The following LRP1B variants were observed in gnomAD, a reference collection of about 807,000 sequenced individuals.
The protein encoded by LRP1B is low-density lipoprotein receptor-related protein 1B.
In LRP1B, 217 loss-of-function variants were observed where a neutral mutation model predicts 556.6. The ratio of observed to expected loss-of-function variants is 0.39; its 90% CI spans 0.35 to 0.44. The LOEUF is 0.44. Ranked by LOEUF, LRP1B falls within the 20% of genes least tolerant of loss-of-function variation. The pLI is 1.00. For missense variants in LRP1B, 5,053 were observed against 5,620.8 expected, an observed-to-expected ratio of 0.90 and a Z score of 3.23; for synonymous variants, 2,047 against 1,865.8, an observed-to-expected ratio of 1.10 and a Z score of -2.50.
At chr2:140,671,370 A>T (rs1001903221) in intron 41 of LRP1B, among the ~76,000 whole-genome samples, 3 of 152,118 alleles carry the variant, frequency 2.0e-5, no homozygotes, top group African/African-American at 7.2e-5. Flanking sequence ...AATACAAAAA[A>T]ATTAGCCGGG....
At position 141,510,911 on chromosome 2, in the gene LRP1B, C is replaced by A. The variant is rs2381188; in HGVS notation, c.206-30378G>T. ...ACACACACACACACACACACACACC[C>A]CACACAAACATACACACAAGCTCCA... On this transcript the variant is annotated intron_variant, in intron 2 of 90. Coordinates refer to ENST00000389484, the MANE Select transcript of LRP1B (RefSeq NM_018557.3). Among the ~76,000 whole-genome samples the A allele has an allele frequency of 5.3e-3, 773 of 144,684 alleles. 26 individuals carry two copies. In the South Asian group the frequency reaches 0.096, roughly 18 times the overall value. The allele number at this position is 144,684 out of a possible 152,430, so 94.9% of individuals were successfully genotyped here. A position where few individuals can be genotyped will look rare whatever the true frequency, so the allele number is the denominator to read the frequency against.
At chr2:141,717,915 G>A (rs974065680) in intron 2 of LRP1B, among the ~76,000 whole-genome samples, 2 of 152,194 alleles carry the variant, frequency 1.3e-5, no homozygotes, top group African/African-American at 4.8e-5. Flanking sequence ...CTATCCAAGT[G>A]TAGCTGAGAG....
At chr2:140,780,087 A>G (rs1689645718) in intron 32 of LRP1B, among the ~76,000 whole-genome samples, 1 of 152,074 alleles carries the variant, frequency 6.6e-6, no homozygotes, top group Non-Finnish European at 1.5e-5. Flanking sequence ...GAAAAAAGAA[A>G]GTAAGGGAGG....
intron 47 of LRP1B, among the ~76,000 whole-genome samples, chr2:140,528,944 G>T (rs987018104): frequency 1.3e-5 from 2 of 152,028 alleles, no homozygotes; most frequent in South Asian, 2.1e-4. Context: ...GAGGAAGAAA[G>T]ATACTGAAAT....
chr2:141,203,469 C>A (rs534153857), intron 6 of LRP1B, among the ~76,000 whole-genome samples: 1 of 152,202 alleles, frequency 6.6e-6, no homozygotes, highest in East Asian at 1.9e-4. Context: ...GGGATCAATG[C>A]AGCAAGAAGA....
intron 77 of LRP1B, among the ~76,000 whole-genome samples, chr2:140,350,100 T>A (rs950438546): frequency 2.8e-4 from 42 of 152,084 alleles, no homozygotes; most frequent in African/African-American, 9.9e-4. Context: ...CCAGGCCCTA[T>A]AAAAACACAT....
chr2:141,803,272 A>G (rs945938612), intron 2 of LRP1B, among the ~76,000 whole-genome samples: 2 of 150,812 alleles, frequency 1.3e-5, no homozygotes, highest in African/African-American at 2.4e-5. Flanking sequence ...GTGCATTGTG[A>G]GAGCAGAATG....
At chr2:141,064,215 A>G (rs538977665) in intron 7 of LRP1B, among the ~76,000 whole-genome samples, 1 of 152,026 alleles carries the variant, frequency 6.6e-6, no homozygotes, top group Admixed American at 6.6e-5. Flanking sequence ...GACTGGGTCA[A>G]TCACTTTACA....
At chr2:141,070,072 C>A (rs998180625) in intron 7 of LRP1B, among the ~76,000 whole-genome samples, 2 of 149,112 alleles carry the variant, frequency 1.3e-5, no homozygotes, top group African/African-American at 4.9e-5. Context: ...TTTGTTCTTG[C>A]GATAGTTTAC....
At chr2:140,867,101 T>C (rs1420131413) in intron 27 of LRP1B, among the ~76,000 whole-genome samples, 1 of 151,956 alleles carries the variant, frequency 6.6e-6, no homozygotes, top group African/African-American at 2.4e-5. Flanking sequence ...AGAATTAGGA[T>C]AGGAACACTT....
chr2:141,823,041 T>C (rs532651935), intron 1 of LRP1B, among the ~76,000 whole-genome samples: 1 of 152,250 alleles, frequency 6.6e-6, no homozygotes, highest in South Asian at 2.1e-4. Context: ...AGCAGCAGTT[T>C]TCACCATTTT....
chr2:140,258,406 C>G (rs954414285), intron 86 of LRP1B, among the ~76,000 whole-genome samples: 2 of 152,098 alleles, frequency 1.3e-5, no homozygotes, highest in Non-Finnish European at 2.9e-5. Flanking sequence ...AGAACTTGAG[C>G]TGGCTTTACA....
At chr2:140,854,609 C>T (rs971571563) in intron 27 of LRP1B, among the ~76,000 whole-genome samples, 8 of 152,210 alleles carry the variant, frequency 5.3e-5, no homozygotes, top group Admixed American at 4.6e-4. Flanking sequence ...TTATAGAAAG[C>T]AGGGATTAGC....
chr2:141,379,606 C>A (rs1448861834), intron 3 of LRP1B, among the ~76,000 whole-genome samples: 1 of 152,124 alleles, frequency 6.6e-6, no homozygotes, highest in Non-Finnish European at 1.5e-5. Context: ...TGGGAAGTAA[C>A]TGAACTCCCA....
intron 83 of LRP1B, among the ~76,000 whole-genome samples, chr2:140,308,986 T>G (rs35000420): frequency 0.29 from 43,523 of 151,612 alleles, 7,615 homozygotes; most frequent in Non-Finnish European, 0.4. Flanking sequence ...TCCCTAAGAC[T>G]ACTGTCCTTT....
chr2:141,418,456 A>C (rs1386130450), intron 3 of LRP1B, among the ~76,000 whole-genome samples: 1 of 130,836 alleles, frequency 7.6e-6, no homozygotes, highest in Non-Finnish European at 1.6e-5. Flanking sequence ...TTGCATGTGG[A>C]TACCCAGTTA....
chr2:141,192,651 G>A (rs1454111564), intron 6 of LRP1B, among the ~76,000 whole-genome samples: 1 of 151,320 alleles, frequency 6.6e-6, no homozygotes, highest in Non-Finnish European at 1.5e-5. Flanking sequence ...CTTTGAAGTG[G>A]CTCTTATTTT....
intron 2 of LRP1B, among the ~76,000 whole-genome samples, chr2:141,546,737 C>T (rs1685567826): frequency 6.6e-6 from 1 of 152,148 alleles, no homozygotes; most frequent in Admixed American, 6.6e-5. Context: ...TAACAGCCCT[C>T]TTTTAATCTT....
intron 2 of LRP1B, among the ~76,000 whole-genome samples, chr2:141,634,024 A>G (rs1421211650): frequency 6.6e-6 from 1 of 151,046 alleles, no homozygotes; most frequent in Admixed American, 6.6e-5. Flanking sequence ...TATTTCCCAC[A>G]CAGCAATGCT....
Sources: gnomAD v4.1 joint callset for allele counts (sites outside exome capture counted in the v4.1 genomes callset) on GRCh38, gnomAD v4.1.1 for gene constraint, MANE v1.5 for transcripts, NCBI Gene and HGNC (gene_info 2026-07-23, HGNC 2026-07-21) for gene names.